Variants in NES observed in about 807,000 individuals in gnomAD.
The protein encoded by NES is nestin.
NES carries 27 observed loss-of-function variants against 35.6 expected under a neutral mutation model. That is an observed-to-expected ratio of 0.76 (90% CI 0.56 to 1.04). The LOEUF (loss-of-function observed/expected upper bound fraction) is 1.04. NES is among the 50% of genes least tolerant of loss of function. The pLI is 0.00. For missense variants in NES, 1,867 were observed against 1,983.6 expected (o/e 0.94, Z 1.12); for synonymous variants, 822 against 824.2 (o/e 1.00, Z 0.04).
At position 156,676,720 on chromosome 1, in the gene NES, A is replaced by G. The variant is rs1334547904; in HGVS notation, c.545T>C (p.Leu182Pro). 9.2e-6 allele frequency: 13 copies of G among 1,410,078 alleles called. No individual in the cohort carries two copies. The highest frequency in any genetic ancestry group is 1.0e-5 in the Non-Finnish European group (11 of 1,092,662). The allele number at this position is 1,410,078 out of a possible 1,614,324, so 87.3% of individuals were successfully genotyped here. The change falls in exon 1 of 4, where the codon CTG becomes CCG. Residue 182 changes from leucine (L) to proline (P), a missense_variant. Transcript: ENST00000368223. The surrounding 1 kb of genome is among the most constrained non-coding windows in gnomAD (Gnocchi z 5.3). ...APEVEELARR[L>P]GEAWRGAVRG... The stretch of plus-strand genomic sequence containing the variant: ...CACTGCCCCGCGCCACGCCTCGCCC[A>G]GTCGCCTTGCCAGCTCCTCTACCTC...
chr1:156,670,031 A>T lies in NES; in HGVS notation c.4157T>A (p.Val1386Glu). The change falls in exon 4 of 4, where the codon GTG becomes GAG. Residue 1386 changes from valine to glutamate, a missense_variant. Physicochemically the swap from Val to Glu is moderately radical, Grantham distance 121 (BLOSUM62 -2). Coordinates refer to ENST00000368223, the MANE Select transcript of NES (RefSeq NM_006617.2). Reference protein sequence around the residue: ...APFLPGVPGEVAEPLGQVPQL... With the variant: ...APFLPGVPGEEAEPLGQVPQL... The stretch of plus-strand genomic sequence containing the variant: ...GGGCACCTGGCCCAGAGGTTCTGCC[A>T]CCTCCCCAGGGACCCCAGGAAGAAA... 6.2e-7 allele frequency: 1 copy of T among 1,613,538 alleles called. No homozygotes were observed. The highest frequency in any genetic ancestry group is 8.5e-7 in the Non-Finnish European group (1 of 1,179,892).
At chr1:156,674,842 C>T (rs528061302) in intron 2 of NES, among the ~76,000 whole-genome samples, 15 of 152,324 alleles carry the variant, frequency 9.8e-5, no homozygotes, top group Non-Finnish European at 1.3e-4. Context: ...GCCTCCTTTC[C>T]GTGGCTGCCA....
rs1286846180 is a variant in NES, at chr1:156,668,972, T to C, written c.*350A>G. ...GTGAGCTTGGGCACAAAAGCCAGCA[T>C]GTCACCCTCCCTTTGGAGAAGCCTC... is the stretch of plus-strand genomic sequence containing the variant. On this transcript the variant is annotated 3_prime_UTR_variant, in exon 4 of 4. Transcript: ENST00000368223. 4.9e-6 allele frequency: 1 copy of C among 202,452 alleles called. No individual in the cohort carries two copies. Among genetic ancestry groups the C allele is most frequent in the Non-Finnish European group, 9.9e-6 (1 of 100,728 alleles). The allele number at this position is 202,452 out of a possible 1,614,324, so 12.5% of individuals were successfully genotyped here.
chr1:156,670,813 T>C lies in NES; in HGVS notation c.3375A>G (p.Glu1125=). The change falls in exon 4 of 4, where the codon GAA becomes GAG. Residue 1125 remains glutamate (E), a synonymous_variant. Coordinates refer to ENST00000368223, the MANE Select transcript of NES (RefSeq NM_006617.2). ...CCCTCTTTGCCTCCAAACTCTCCTC[T>C]TCCAGGGGTGGTTCCATCACCTCTT... ...TREEVMEPPL[E]EESLEAKRVQ... is the part of the protein sequence containing the mutation. 1 of 1,614,026 alleles carries C rather than the reference T, an allele frequency of 6.2e-7. No individual in the cohort carries two copies. The highest frequency in any genetic ancestry group is 1.1e-5 in the South Asian group (1 of 91,082).
chr1:156,670,162 A>G lies in NES; in HGVS notation c.4026T>C (p.Leu1342=), dbSNP rs762448624. The part of the protein sequence containing the change: ...WDPAVLASEG[L]EAPPSEKEEG... ...CCTCCTTTTCTGAGGGTGGGGCCTC[A>G]AGGCCCTCGGAAGCCAGGACAGCAG... Residue 1342 remains leucine (L), a synonymous_variant, in exon 4 of 4, where the codon CTT becomes CTC. Transcript: ENST00000368223. The G allele has an allele frequency of 2.5e-6, 4 of 1,613,964 alleles. No homozygotes were observed. In the East Asian group the frequency reaches 6.7e-5, roughly 27 times the overall value.
Position 156,677,131 on chromosome 1 carries a change from G to C in NES, c.134C>G (p.Ala45Gly). 6.2e-7 allele frequency: 1 copy of C among 1,608,672 alleles called. No homozygotes were observed. Among genetic ancestry groups the C allele is most frequent in the Non-Finnish European group, 8.5e-7 (1 of 1,178,306 alleles). The change falls in exon 1 of 4, where the codon GCA (alanine) becomes GGA (glycine). Residue 45 changes from alanine to glycine, a missense_variant. Coordinates refer to ENST00000368223, the MANE Select transcript of NES (RefSeq NM_006617.2). The surrounding 1 kb of genome is among the most constrained non-coding windows in gnomAD (Gnocchi z 4.5). ...LLSAELGGLR[A>G]QSADTSWRAH... The stretch of plus-strand genomic sequence containing the variant: ...CCGCCAGGAGGTGTCCGCGGATTGT[G>C]CCCGGAGCCCCCCGAGCTCCGCGCT...
chr1:156,671,782 C>T lies in NES; in HGVS notation c.2406G>A (p.Glu802=). Residue 802 remains glutamate (E), a synonymous_variant, in exon 4 of 4, where the codon GAG becomes GAA. Coordinates refer to ENST00000368223, the MANE Select transcript of NES (RefSeq NM_006617.2). ...DQEIARPLEN[E]NQEFLKSLKE... ...TGAGTGACTTTAAGAACTCTTGATT[C>T]TCATTTTCAAGAGGTCTAGCTATCT... The T allele has an allele frequency of 6.2e-7, 1 of 1,613,902 alleles. No individual in the cohort carries two copies. Among genetic ancestry groups the T allele is most frequent in the Non-Finnish European group, 8.5e-7 (1 of 1,179,842 alleles).
At chr1:156,675,746 T>C (rs982461833) in intron 1 of NES, among the ~76,000 whole-genome samples, 2 of 152,116 alleles carry the variant, frequency 1.3e-5, no homozygotes, top group African/African-American at 4.8e-5. Context: ...CCTGCAGGAC[T>C]GGAAGGCAAA....
At position 156,670,449 on chromosome 1, in the gene NES, A is replaced by G; in HGVS notation, c.3739T>C (p.Trp1247Arg). Residue 1247 changes from tryptophan to arginine, a missense_variant, in exon 4 of 4, where the codon TGG becomes CGG. Transcript: ENST00000368223. ...GCTTCAGCCCTCCCCTGCACCCCCC[A>G]GCTAGCCTCCTGACTCCCTTCAGCC... is the stretch of plus-strand genomic sequence containing the variant. ...PQAEGSQEASWGVQGRAEALG... is the reference protein window; with the variant it reads ...PQAEGSQEASRGVQGRAEALG... The G allele has an allele frequency of 1.3e-6, 2 of 1,560,548 alleles. No homozygotes were observed. Among genetic ancestry groups the G allele is most frequent in the Non-Finnish European group, 8.7e-7 (1 of 1,153,010 alleles).
At position 156,670,608 on chromosome 1, in the gene NES, G is replaced by T; in HGVS notation, c.3580C>A (p.His1194Asn). 6.2e-7 allele frequency: 1 copy of T among 1,613,762 alleles called. No homozygotes were observed. Among genetic ancestry groups the T allele is most frequent in the Non-Finnish European group, 8.5e-7 (1 of 1,179,878 alleles). ...GGTGAAGGGGCATCACTTCCAGTGT[G>T]GCCCAGGGTCTCAGCAGGGAACGCC... The part of the protein sequence containing the change: ...EEAFPAETLG[H>N]TGSDAPSPWP... Residue 1194 changes from histidine (H) to asparagine (N), a missense_variant, in exon 4 of 4, where the codon CAC becomes AAC. Transcript: ENST00000368223.
Sources: gnomAD v4.1 joint callset for allele counts (sites outside exome capture counted in the v4.1 genomes callset) on GRCh38, gnomAD v4.1.1 for gene constraint, Gnocchi (gnomAD v3.1) non-coding constraint, MANE v1.5 for transcripts, NCBI Gene and HGNC (gene_info 2026-07-23, HGNC 2026-07-21) for gene names.